C11orf24: variants seen among roughly 807,000 people sequenced by gnomAD.
The protein encoded by C11orf24 is chromosome 11 open reading frame 24.
A neutral mutation model predicts 7.3 loss-of-function variants in C11orf24; 5 were observed. The observed-to-expected ratio is 0.69, with a 90% CI of 0.36 to 1.45. The LOEUF is 1.45. C11orf24 is among the 40% of genes most tolerant of loss of function. The pLI is 0.03. For synonymous variants in C11orf24, 233 were observed against 235.7 expected (o/e 0.99, Z 0.11); for missense variants, 566 against 590.5 (o/e 0.96, Z 0.43).
intron 2 of C11orf24, among the ~76,000 whole-genome samples, chr11:68,266,787 C>T (rs1030182267): frequency 5.9e-5 from 9 of 152,056 alleles, no homozygotes; most frequent in African/African-American, 2.2e-4. Flanking sequence ...TAACATCTAC[C>T]GAATGTTTTT....
At chr11:68,264,968 C>G (rs1433328544) in intron 2 of C11orf24, among the ~76,000 whole-genome samples, 1 of 151,770 alleles carries the variant, frequency 6.6e-6, no homozygotes, top group South Asian at 2.1e-4. Context: ...GCAGAAGCCC[C>G]AAGGGTGGCT....
rs774507950 is a variant in C11orf24 at position 68,261,826 on chromosome 11, T to C, written c.1169A>G (p.Glu390Gly). 10 of 1,613,996 alleles carry C rather than the reference T, an allele frequency of 6.2e-6. No homozygotes were observed. The highest frequency in any genetic ancestry group is 2.2e-5 in the South Asian group (2 of 91,086). The stretch of plus-strand genomic sequence containing the variant: ...GTCTACCACGGCCTGGGTGAGGGGC[T>C]CAGTGGTGACCACCATGTACTGGCC... ...TQGQYMVVTTEPLTQAVVDKT... is the reference protein window; with the variant it reads ...TQGQYMVVTTGPLTQAVVDKT... Residue 390 changes from glutamate to glycine, a missense_variant, in exon 4 of 4, where the codon GAG becomes GGG. By Grantham distance (98) the Glu-to-Gly change is moderately conservative. Transcript: ENST00000304271.
chr11:68,270,985 G>A (rs996207245), intron 1 of C11orf24, among the ~76,000 whole-genome samples: 1 of 152,130 alleles, frequency 6.6e-6, no homozygotes, highest in African/African-American at 2.4e-5. Context: ...TAACTACCTT[G>A]CTTGCTTCCA....
intron 1 of C11orf24, among the ~76,000 whole-genome samples, chr11:68,268,646 T>A (rs916392415): frequency 6.6e-6 from 1 of 152,162 alleles, no homozygotes; most frequent in Non-Finnish European, 1.5e-5. Context: ...GAGCCGAGAT[T>A]GAGCCACTGC....
chr11:68,262,473 T>C lies in C11orf24; in HGVS notation c.522A>G (p.Thr174=). The C allele has an allele frequency of 1.2e-6, 2 of 1,614,054 alleles. No homozygotes were observed. Among genetic ancestry groups the C allele is most frequent in the Non-Finnish European group, 1.7e-6 (2 of 1,180,006 alleles). ...LALPAPTSTS[T]GRTPSTTATG... ...TGGCGGTAGTGGACGGGGTCCGCCC[T>C]GTGGAAGTGGACGTGGGCGCGGGGA... Residue 174 remains threonine (T), a synonymous_variant, in exon 4 of 4, where the codon ACA becomes ACG. Transcript: ENST00000304271.
At chr11:68,266,311 T>C (rs190707059) in intron 2 of C11orf24, among the ~76,000 whole-genome samples, 215 of 152,250 alleles carry the variant, frequency 1.4e-3, no homozygotes, top group Admixed American at 9.5e-3. Flanking sequence ...AAGCAGCCAC[T>C]GCGCAACAAG....
intron 3 of C11orf24, chr11:68,263,446 C>T (rs2098562971): frequency 7.5e-6 from 4 of 535,752 alleles, no homozygotes; most frequent in Non-Finnish European, 1.3e-5. Flanking sequence ...TTAGAGATGA[C>T]ATCAAATCTT....
chr11:68,266,405 A>G (rs1050071880), intron 2 of C11orf24, among the ~76,000 whole-genome samples: 28 of 152,212 alleles, frequency 1.8e-4, no homozygotes, highest in African/African-American at 6.5e-4. Flanking sequence ...CCCTTAGAGC[A>G]CACACTCCTC....
chr11:68,264,099 A>G (rs1455992580), intron 2 of C11orf24, among the ~76,000 whole-genome samples: 2 of 152,106 alleles, frequency 1.3e-5, no homozygotes, highest in African/African-American at 4.8e-5. Flanking sequence ...TCAACCTGCA[A>G]AAGTTCCCAT....
In C11orf24 at chr11:68,271,858, C is replaced by T. The variant is rs562529701; in HGVS notation, c.-299G>A. 2.0e-5 allele frequency: 3 copies of T among 152,432 alleles called. No homozygotes were observed. Among genetic ancestry groups the T allele is most frequent in the African/African-American group, 7.2e-5 (3 of 41,576 alleles). 9.4% of individuals were successfully genotyped at this position (152,432 alleles called of 1,614,324 possible). Reference sequence around the variant, plus strand: ...CGGACGGCAGTGCGAGCCCCTTACCCGGGCGCAGCAGGCCCCCGGCGGCCT... The same window carrying T: ...CGGACGGCAGTGCGAGCCCCTTACCTGGGCGCAGCAGGCCCCCGGCGGCCT... On this transcript the variant is annotated splice_region_variant and 5_prime_UTR_variant, in exon 1 of 4. Coordinates refer to ENST00000304271, the MANE Select transcript of C11orf24 (RefSeq NM_022338.4).
At position 68,271,945 on chromosome 11, in the gene C11orf24, A is replaced by T. The variant is rs979940687; in HGVS notation, c.-386T>A. The T allele has an allele frequency of 3.3e-5, 5 of 152,256 alleles. No individual in the cohort carries two copies. In the South Asian group the frequency reaches 1.0e-3, roughly 32 times the overall value. The allele number at this position is 152,256 out of a possible 1,614,324, so 9.4% of individuals were successfully genotyped here. ...GGCGCGGGGACGTGGCCGGCAGCGC[A>T]ACCCAGGCAGCTCCGGGCAGCGCGC... On this transcript the variant is annotated 5_prime_UTR_variant, in exon 1 of 4. Coordinates refer to ENST00000304271, the MANE Select transcript of C11orf24 (RefSeq NM_022338.4).
chr11:68,263,435 T>C (rs2098562957), intron 3 of C11orf24: 1 of 529,984 alleles, frequency 1.9e-6, no homozygotes, highest in Non-Finnish European at 3.3e-6. Context: ...GAAGATTCAA[T>C]TTAGAGATGA....
chr11:68,262,506 T>C lies in C11orf24; in HGVS notation c.489A>G (p.Thr163=), dbSNP rs2098562386. 2 of 1,613,712 alleles carry C rather than the reference T, an allele frequency of 1.2e-6. No individual in the cohort carries two copies. The highest frequency in any genetic ancestry group is 1.7e-6 in the Non-Finnish European group (2 of 1,179,934). Reference sequence around the variant, plus strand: ...TGGACGTGGGCGCGGGGAGTGCAAGTGTCATGGGAGTGCTGGAGGCCGCAG... The same window carrying C: ...TGGACGTGGGCGCGGGGAGTGCAAGCGTCATGGGAGTGCTGGAGGCCGCAG... The part of the protein sequence containing the change: ...SMTAASSTPM[T]LALPAPTSTS... The change falls in exon 4 of 4, where the codon ACA becomes ACG. Residue 163 remains threonine, a synonymous_variant. Coordinates refer to ENST00000304271, the MANE Select transcript of C11orf24 (RefSeq NM_022338.4).
chr11:68,265,457 T>C (rs771338681), intron 2 of C11orf24, among the ~76,000 whole-genome samples: 6 of 152,084 alleles, frequency 3.9e-5, no homozygotes, highest in Non-Finnish European at 8.8e-5. Context: ...AGCAAAGCCC[T>C]CTCCTTCATT....
At chr11:68,267,119 G>A (rs1220841369) in intron 2 of C11orf24, 1 of 152,246 alleles carries the variant, frequency 6.6e-6, no homozygotes, top group Non-Finnish European at 1.5e-5. Flanking sequence ...GGGCATGGTT[G>A]TGTCCCAATA....
Position 68,262,316 on chromosome 11 carries a change from T to C in C11orf24, c.679A>G (p.Met227Val), listed in dbSNP as rs776449494. ...VATTANTSSP[M>V]STRPSPSKHM... ...TTGGAAGGACTTGGACGAGTGCTCA[T>C]GGGGCTGCTTGTGTTTGCTGTGGTC... Residue 227 changes from methionine (M) to valine (V), a missense_variant, in exon 4 of 4, where the codon ATG (methionine) becomes GTG (valine). Coordinates refer to ENST00000304271, the MANE Select transcript of C11orf24 (RefSeq NM_022338.4). 13 of 1,613,766 alleles carry C rather than the reference T, an allele frequency of 8.1e-6. No individual in the cohort carries two copies. In the Admixed American group the frequency reaches 1.8e-4, roughly 23 times the overall value.
chr11:68,262,342 G>A lies in C11orf24; in HGVS notation c.653C>T (p.Ala218Val), dbSNP rs764067356. The A allele has an allele frequency of 5.6e-6, 9 of 1,613,994 alleles. No individual in the cohort carries two copies. The highest frequency in any genetic ancestry group is 4.5e-5 in the East Asian group (2 of 44,900). Residue 218 changes from alanine to valine, a missense_variant, in exon 4 of 4, where the codon GCG becomes GTG. Transcript: ENST00000304271. ...ATLATRAQTVATTANTSSPMS... is the reference protein window; with the variant it reads ...ATLATRAQTVVTTANTSSPMS... ...GGGGCTGCTTGTGTTTGCTGTGGTC[G>A]CTACAGTCTGAGCACGTGTGGCCAA...
intron 2 of C11orf24, among the ~76,000 whole-genome samples, chr11:68,265,990 G>A (rs761838628): frequency 6.6e-6 from 1 of 152,216 alleles, no homozygotes; most frequent in Non-Finnish European, 1.5e-5. Flanking sequence ...TTGAATGCAT[G>A]AGTGGCAGAA....
chr11:68,264,310 G>A (rs2098563440), intron 2 of C11orf24, among the ~76,000 whole-genome samples: 1 of 151,792 alleles, frequency 6.6e-6, no homozygotes, highest in Admixed American at 6.6e-5. Flanking sequence ...TCACATGGGA[G>A]ATACTACTTA....
Sources: gnomAD v4.1 joint callset for allele counts (sites outside exome capture counted in the v4.1 genomes callset) on GRCh38, gnomAD v4.1.1 for gene constraint, MANE v1.5 for transcripts, NCBI Gene and HGNC (gene_info 2026-07-23, HGNC 2026-07-21) for gene names.